The following EIF4E variants were observed in gnomAD, a reference collection of about 807,000 sequenced individuals.
EIF4E encodes eIF-4F 25 kDa subunit.
For missense variants in EIF4E, 113 were observed against 265.6 expected (o/e 0.43, Z 3.99); for synonymous variants, 71 against 88.5 (o/e 0.80, Z 1.11).
At chr4:98,895,737 A>G (rs1055771680) in intron 2 of EIF4E, among the ~76,000 whole-genome samples, 16 of 152,182 alleles carry the variant, frequency 1.1e-4, no homozygotes, top group African/African-American at 3.9e-4. Flanking sequence ...AAACCTCTGC[A>G]CCCAGCCATT....
At chr4:98,911,416 T>G (rs551869384) in intron 1 of EIF4E, among the ~76,000 whole-genome samples, 1 of 146,994 alleles carries the variant, frequency 6.8e-6, no homozygotes, top group South Asian at 2.3e-4. Flanking sequence ...TCCCAGCACT[T>G]TGGGAGGCCG....
intron 1 of EIF4E, among the ~76,000 whole-genome samples, chr4:98,924,663 G>A (rs763624084): frequency 1.3e-5 from 2 of 151,712 alleles, no homozygotes; most frequent in Non-Finnish European, 2.9e-5. Context: ...GTACCATCTC[G>A]GTTCACTGCA....
chr4:98,920,129 G>A (rs1036234434), intron 1 of EIF4E, among the ~76,000 whole-genome samples: 7 of 152,106 alleles, frequency 4.6e-5, no homozygotes, highest in African/African-American at 1.7e-4. Context: ...GGGGAATGAG[G>A]TGGTTGGGGA....
chr4:98,890,832 A>T lies in EIF4E; in HGVS notation c.221+405T>A, dbSNP rs1579153951. On this transcript the variant is annotated intron_variant, in intron 3 of 6. Coordinates refer to ENST00000450253, the MANE Select transcript of EIF4E (RefSeq NM_001968.5). ...GAACACTTCAGCCTTTGATATCTTA[A>T]AATCTCTGGTACAGGAAATTCCAGA... The T allele has an allele frequency of 7.2e-5, 15 of 207,976 alleles. No homozygotes were observed. The East Asian group carries it at 1.8e-3, about 25-fold the overall frequency. The allele number at this position is 207,976 out of a possible 1,614,324, so 12.9% of individuals were successfully genotyped here.
At chr4:98,920,537 C>T (rs1725597770) in intron 1 of EIF4E, among the ~76,000 whole-genome samples, 1 of 152,062 alleles carries the variant, frequency 6.6e-6, no homozygotes, top group Admixed American at 6.6e-5. Context: ...TCAGGTGATT[C>T]GCCCATCTCA....
chr4:98,919,195 T>C (rs974311464), intron 1 of EIF4E, among the ~76,000 whole-genome samples: 1 of 151,828 alleles, frequency 6.6e-6, no homozygotes, highest in Non-Finnish European at 1.5e-5. Flanking sequence ...TAGTCCCAGC[T>C]ACTCAGGAGG....
intron 1 of EIF4E, among the ~76,000 whole-genome samples, chr4:98,917,905 G>A (rs116472025): frequency 0.015 from 2,318 of 151,946 alleles, 27 homozygotes; most frequent in Non-Finnish European, 0.024. Flanking sequence ...ATGAAACTCC[G>A]TTTTTACTAA....
chr4:98,889,772 C>A (rs1724073789), intron 3 of EIF4E, among the ~76,000 whole-genome samples: 1 of 152,026 alleles, frequency 6.6e-6, no homozygotes, highest in African/African-American at 2.4e-5. Flanking sequence ...TAGATAAATG[C>A]AAATCTGATT....
At chr4:98,893,097 A>C (rs139471963) in intron 2 of EIF4E, among the ~76,000 whole-genome samples, 3 of 152,356 alleles carry the variant, frequency 2.0e-5, no homozygotes, top group Admixed American at 6.5e-5. Flanking sequence ...TGTAAAAGTT[A>C]CGTTTACACT....
Position 98,884,732 on chromosome 4 carries a change from T to C in EIF4E, c.539+190A>G, listed in dbSNP as rs113731684. On this transcript the variant is annotated intron_variant, in intron 6 of 6. Coordinates refer to ENST00000450253, the MANE Select transcript of EIF4E (RefSeq NM_001968.5). ...CTAAATAAATAAATAAATAAATAGCTGTGAAAAAACCCAAAAAAACAAGAC... is the reference window on the plus strand; with the variant it reads ...CTAAATAAATAAATAAATAAATAGCCGTGAAAAAACCCAAAAAAACAAGAC... Among the ~76,000 whole-genome samples the C allele has an allele frequency of 2.5e-3, 374 of 149,570 alleles. 2 individuals are homozygous for C. The highest frequency in any genetic ancestry group is 7.9e-3 in the African/African-American group (308 of 39,072).
At chr4:98,904,904 A>T (rs1308833980) in intron 1 of EIF4E, among the ~76,000 whole-genome samples, 1 of 152,148 alleles carries the variant, frequency 6.6e-6, no homozygotes, top group Non-Finnish European at 1.5e-5. Context: ...CTTCACTTTT[A>T]AACATACTAG....
intron 1 of EIF4E, among the ~76,000 whole-genome samples, chr4:98,923,435 C>G (rs1336395050): frequency 6.6e-6 from 1 of 152,076 alleles, no homozygotes; most frequent in Admixed American, 6.6e-5. Context: ...CCCATTTCAG[C>G]CTCCTGAGGC....
Position 98,901,142 on chromosome 4 carries a change from G to A in EIF4E, c.125+734C>T, listed in dbSNP as rs568617771. ...ATTTGACCTTTTTAGCACATGTGCTGTAAACCACCCTATCTTAGAATAAAC... is the reference window on the plus strand; with the variant it reads ...ATTTGACCTTTTTAGCACATGTGCTATAAACCACCCTATCTTAGAATAAAC... On this transcript the variant is annotated intron_variant, in intron 2 of 6. Transcript: ENST00000450253. 1.0e-3 allele frequency among the ~76,000 whole-genome samples: 153 copies of A among 151,388 alleles called. 1 individual carries two copies. The highest frequency in any genetic ancestry group is 3.5e-3 in the Middle Eastern group (1 of 286).
rs1278064747 is a variant in EIF4E at position 98,880,922 on chromosome 4, C to T, written c.*106G>A. On this transcript the variant is annotated 3_prime_UTR_variant, in exon 7 of 7. Coordinates refer to ENST00000450253, the MANE Select transcript of EIF4E (RefSeq NM_001968.5). ...ATCTGAGTAACATTAAGATGGAAAT[C>T]AAATTTAAATGCAGTCCACTCTGCT... The T allele has an allele frequency of 6.6e-7, 1 of 1,509,130 alleles. No individual in the cohort carries two copies. Among genetic ancestry groups the T allele is most frequent in the Non-Finnish European group, 8.9e-7 (1 of 1,118,486 alleles). The allele number at this position is 1,509,130 out of a possible 1,614,324, so 93.5% of individuals were successfully genotyped here. A position where few individuals can be genotyped will look rare whatever the true frequency, so the allele number is the denominator to read the frequency against.
In EIF4E at chr4:98,909,794, C is replaced by G. The variant is rs572713558; in HGVS notation, c.19-7812G>C. ...TTCTTTTTCATGCATCACTTTTTCT[C>G]GACCAACTGCTTCACCACAGGAGTC... On this transcript the variant is annotated intron_variant, in intron 1 of 6. Coordinates refer to ENST00000450253, the MANE Select transcript of EIF4E (RefSeq NM_001968.5). 1.1e-5 allele frequency: 8 copies of G among 702,458 alleles called. No homozygotes were observed. The East Asian group carries it at 2.1e-4, about 19-fold the overall frequency. 43.5% of individuals were successfully genotyped at this position (702,458 alleles called of 1,614,324 possible). A position where few individuals can be genotyped will look rare whatever the true frequency, so the allele number is the denominator to read the frequency against.
At chr4:98,897,159 T>C (rs574956967) in intron 2 of EIF4E, among the ~76,000 whole-genome samples, 74 of 152,208 alleles carry the variant, frequency 4.9e-4, no homozygotes, top group Non-Finnish European at 9.3e-4. Flanking sequence ...AAAGCAACAG[T>C]AGTTAAATCT....
intron 1 of EIF4E, among the ~76,000 whole-genome samples, chr4:98,916,190 C>CA (rs1006759985): frequency 1.4e-4 from 18 of 128,384 alleles, no homozygotes; most frequent in South Asian, 2.5e-4. Flanking sequence ...GGCTCTGTCT[C>CA]AAAAAAAAAG....
chr4:98,905,880 T>G (rs1002182126), intron 1 of EIF4E, among the ~76,000 whole-genome samples: 4 of 152,140 alleles, frequency 2.6e-5, no homozygotes, highest in African/African-American at 9.7e-5. Context: ...CTGCAAAAAT[T>G]AGCACAGGTA....
chr4:98,911,297 C>T (rs766541574), intron 1 of EIF4E, among the ~76,000 whole-genome samples: 1 of 151,388 alleles, frequency 6.6e-6, no homozygotes, highest in Non-Finnish European at 1.5e-5. Flanking sequence ...ATTCACCCGC[C>T]TCGGCCTCCC....
Sources: gnomAD v4.1 joint callset for allele counts (sites outside exome capture counted in the v4.1 genomes callset) on GRCh38, gnomAD v4.1.1 for gene constraint, MANE v1.5 for transcripts, NCBI Gene and HGNC (gene_info 2026-07-23, HGNC 2026-07-21) for gene names.